Variants in BRAF observed in about 807,000 individuals in gnomAD.
BRAF encodes the protein B-Raf proto-oncogene, serine/threonine kinase, also known as serine/threonine-protein kinase B-raf.
BRAF carries 16 observed loss-of-function variants against 104.6 expected under a neutral mutation model. That is an observed-to-expected ratio of 0.15 (90% CI 0.10 to 0.23). The LOEUF (loss-of-function observed/expected upper bound fraction) is 0.23, where lower values mean the gene tolerates loss of function less well. Ranked by LOEUF, BRAF falls within the 10% of genes least tolerant of loss-of-function variation. The pLI, the probability that BRAF is intolerant of heterozygous loss-of-function variation, is 1.00. For missense variants in BRAF, 541 were observed against 937.3 expected, an observed-to-expected ratio of 0.58 and a Z score of 5.52; for synonymous variants, 310 against 341.6, an observed-to-expected ratio of 0.91 and a Z score of 1.02.
chr7:140,772,816 A>G (rs1239068831), intron 14 of BRAF, among the ~76,000 whole-genome samples: 1 of 152,194 alleles, frequency 6.6e-6, no homozygotes, highest in African/African-American at 2.4e-5. Flanking sequence ...TGCATAATAT[A>G]GGAATTTAAT....
intron 1 of BRAF, among the ~76,000 whole-genome samples, chr7:140,884,964 T>C (rs982432750): frequency 3.3e-5 from 5 of 151,942 alleles, no homozygotes; most frequent in Admixed American, 1.3e-4. Context: ...GGGCAAAGTG[T>C]CTTATTCATT....
intron 1 of BRAF, among the ~76,000 whole-genome samples, chr7:140,896,943 A>G (rs969424772): frequency 6.6e-6 from 1 of 151,866 alleles, no homozygotes; most frequent in Non-Finnish European, 1.5e-5. Context: ...CATGAATTGG[A>G]AAACTCAGTA....
In BRAF at chr7:140,853,476, T is replaced by C. The variant is rs6464117; in HGVS notation, c.139-3264A>G. On this transcript the variant is annotated intron_variant, in intron 1 of 19. Transcript: ENST00000644969. ...AAGCCATGACCTGGCCCTCTGCTAT[T>C]TGTCTAGCTTCATTTCTTATTGTTC... Among the ~76,000 whole-genome samples, 1,182 of 152,294 alleles carry C rather than the reference T, an allele frequency of 7.8e-3. 19 individuals carry two copies. Among genetic ancestry groups the C allele is most frequent in the African/African-American group, 0.027 (1,115 of 41,544 alleles).
chr7:140,773,772 C>G (rs1034464197), intron 14 of BRAF, among the ~76,000 whole-genome samples: 3 of 152,190 alleles, frequency 2.0e-5, no homozygotes, highest in African/African-American at 7.2e-5. Flanking sequence ...ACGGTATAAA[C>G]CAGGTTGGCT....
intron 14 of BRAF, among the ~76,000 whole-genome samples, chr7:140,766,820 G>C (rs1159452327): frequency 6.6e-6 from 1 of 152,036 alleles, no homozygotes; most frequent in East Asian, 1.9e-4. Context: ...AAAGTGCTTG[G>C]ATTACAAGTG....
intron 14 of BRAF, among the ~76,000 whole-genome samples, chr7:140,772,272 T>TACTACAACA (rs769541218): frequency 5.4e-5 from 8 of 149,208 alleles, no homozygotes; most frequent in African/African-American, 2.0e-4. Flanking sequence ...ATTGTTTAAC[T>TACTACAACA]ACAACAACAA....
At chr7:140,739,561 T>C (rs1210000349) in intron 18 of BRAF, among the ~76,000 whole-genome samples, 1 of 150,786 alleles carries the variant, frequency 6.6e-6, no homozygotes, top group African/African-American at 2.4e-5. Flanking sequence ...TGTAAAAGAG[T>C]TCAAAGACTG....
In BRAF at chr7:140,906,087, C is replaced by CAA. The variant is rs61150735; in HGVS notation, c.138+18477_138+18478dup. On this transcript the variant is annotated intron_variant, in intron 1 of 19. Coordinates refer to ENST00000644969, the MANE Select transcript of BRAF (RefSeq NM_001374258.1). ...TGGGCAACAGAGCGAGACTCCGTCT[C>CAA]AAAAAAAAAAAAAAAAAAAAAGAAA... Among the ~76,000 whole-genome samples the CAA allele has an allele frequency of 4.0e-3, 177 of 44,212 alleles. 7 individuals carry two copies. Among genetic ancestry groups the CAA allele is most frequent in the Admixed American group, 0.017 (75 of 4,302 alleles). The allele number at this position is 44,212 out of a possible 152,430, so 29.0% of individuals were successfully genotyped here.
intron 16 of BRAF, among the ~76,000 whole-genome samples, chr7:140,753,007 CATATTTATTTAAGAATAAAATATG>C (rs2128997725): frequency 6.7e-6 from 1 of 148,594 alleles, no homozygotes; most frequent in South Asian, 2.2e-4. Context: ...TTTAAGGGTT[CATATTTATTTAAGAATAAAATATG>C]AAACACTGTT....
At position 140,915,496 on chromosome 7, in the gene BRAF, G is replaced by A. The variant is rs190128065; in HGVS notation, c.138+9070C>T. On this transcript the variant is annotated intron_variant, in intron 1 of 19. Coordinates refer to ENST00000644969, the MANE Select transcript of BRAF (RefSeq NM_001374258.1). ...GTTGCCCAGGCTGGAGTGCAATGGC[G>A]CAATATCGGCTCACTGCAACCTCCG... 4.0e-5 allele frequency among the ~76,000 whole-genome samples: 6 copies of A among 150,428 alleles called. No individual in the cohort carries two copies. In the South Asian group the frequency reaches 6.3e-4, roughly 16 times the overall value.
At chr7:140,826,890 T>C (rs1806111130) in intron 3 of BRAF, among the ~76,000 whole-genome samples, 1 of 152,090 alleles carries the variant, frequency 6.6e-6, no homozygotes, top group Non-Finnish European at 1.5e-5. Flanking sequence ...GAATGATTCT[T>C]CCCCCCTCAG....
Position 140,924,511 on chromosome 7 carries a change from C to CA in BRAF, c.138+54dup, listed in dbSNP as rs548737688. The CA allele has an allele frequency of 6.5e-7, 1 of 1,532,106 alleles. No individual in the cohort carries two copies. The highest frequency in any genetic ancestry group is 1.4e-5 in the African/African-American group (1 of 72,964). The allele number at this position is 1,532,106 out of a possible 1,614,324, so 94.9% of individuals were successfully genotyped here. On this transcript the variant is annotated intron_variant, in intron 1 of 19. Coordinates refer to ENST00000644969, the MANE Select transcript of BRAF (RefSeq NM_001374258.1). This position sits in a 1 kb window ranked among gnomAD's most constrained non-coding sequence, Gnocchi z 4.2. The stretch of plus-strand genomic sequence containing the variant: ...CGCCGCCTCTTTCCAAAATAAACAC[C>CA]AGCCAGCCGCCGAGCCCGGAGTCGG...
At chr7:140,747,363 T>C (rs1797438368) in intron 17 of BRAF, 4 of 1,266,014 alleles carry the variant, frequency 3.2e-6, no homozygotes, top group Non-Finnish European at 4.1e-6. Context: ...GTAAAGGCCT[T>C]ACCCTTCTGT....
intron 5 of BRAF, among the ~76,000 whole-genome samples, chr7:140,802,860 A>G (rs925166731): frequency 6.6e-6 from 1 of 152,184 alleles, no homozygotes; most frequent in Non-Finnish European, 1.5e-5. Context: ...GTTTATCATA[A>G]AAGTCTACAG....
Position 140,725,616 on chromosome 7 carries a change from T to G in BRAF, c.*878A>C. 1 of 1,058,682 alleles carries G rather than the reference T, an allele frequency of 9.4e-7. No individual in the cohort carries two copies. Among genetic ancestry groups the G allele is most frequent in the Non-Finnish European group, 1.1e-6 (1 of 875,202 alleles). The allele number at this position is 1,058,682 out of a possible 1,614,324, so 65.6% of individuals were successfully genotyped here. A position where few individuals can be genotyped will look rare whatever the true frequency, so the allele number is the denominator to read the frequency against. On this transcript the variant is annotated 3_prime_UTR_variant, in exon 20 of 20. Transcript: ENST00000644969. ...ACGGCATTTTGTGCCCTGGACAAAG[T>G]AGCCGCATAAGTAGTTGGTGACTGG...
chr7:140,879,332 C>A (rs1011618913), intron 1 of BRAF, among the ~76,000 whole-genome samples: 4 of 151,726 alleles, frequency 2.6e-5, no homozygotes, highest in African/African-American at 9.7e-5. Context: ...CAGGCGTGCA[C>A]CACCACGCCC....
intron 1 of BRAF, among the ~76,000 whole-genome samples, chr7:140,923,402 T>G (rs1470064149): frequency 1.3e-5 from 2 of 152,134 alleles, no homozygotes; most frequent in African/African-American, 4.8e-5. Flanking sequence ...ATATTTGTAA[T>G]AAATTTTATG....
chr7:140,719,021 A>G (rs1217652682), downstream of BRAF, among the ~76,000 whole-genome samples: 1 of 152,230 alleles, frequency 6.6e-6, no homozygotes, highest in African/African-American at 2.4e-5. Context: ...ACATACTCCA[A>G]CTGAACCACA....
rs757481588 is a variant in BRAF at position 140,723,788 on chromosome 7, G to A, written c.*2706C>T. ...GTTACACCCTTACAAGATGATCAGT[G>A]ACGCAGCCACATACTGTCTATACAA... is the stretch of plus-strand genomic sequence containing the variant. On this transcript the variant is annotated 3_prime_UTR_variant, in exon 20 of 20. Coordinates refer to ENST00000644969, the MANE Select transcript of BRAF (RefSeq NM_001374258.1). The A allele has an allele frequency of 1.9e-4, 197 of 1,048,324 alleles. No homozygotes were observed. Among genetic ancestry groups the A allele is most frequent in the Admixed American group, 2.2e-4 (4 of 18,130 alleles). 64.9% of individuals were successfully genotyped at this position (1,048,324 alleles called of 1,614,324 possible). A position where few individuals can be genotyped will look rare whatever the true frequency, so the allele number is the denominator to read the frequency against.
Sources: allele counts gnomAD v4.1 joint callset (sites outside exome capture counted in the v4.1 genomes callset), GRCh38; gene constraint gnomAD v4.1.1; non-coding constraint Gnocchi (gnomAD v3.1); transcripts MANE v1.5; gene names NCBI Gene and HGNC (gene_info 2026-07-23, HGNC 2026-07-21).